The following ZSWIM3 variants were observed in gnomAD, a reference collection of about 807,000 sequenced individuals.
ZSWIM3 encodes the protein zinc finger SWIM-type containing 3.
A neutral mutation model predicts 47.5 loss-of-function variants in ZSWIM3; 27 were observed. The observed-to-expected ratio is 0.57, with a 90% CI of 0.42 to 0.78. The LOEUF (loss-of-function observed/expected upper bound fraction) is 0.78, where lower values mean the gene tolerates loss of function less well. Ranked by LOEUF, ZSWIM3 falls within the 30% of genes least tolerant of loss-of-function variation. The pLI is 0.00. For missense variants in ZSWIM3, 689 were observed against 861.3 expected, an observed-to-expected ratio of 0.80 and a Z score of 2.50; for synonymous variants, 333 against 333.9, an observed-to-expected ratio of 1.00 and a Z score of 0.03.
At position 45,857,658 on chromosome 20, in the gene ZSWIM3, C is replaced by G. The variant is rs1306852131; in HGVS notation, c.-168C>G. The G allele has an allele frequency of 3.7e-6, 3 of 805,886 alleles. No individual in the cohort carries two copies. Among genetic ancestry groups the G allele is most frequent in the Non-Finnish European group, 6.0e-6 (3 of 497,060 alleles). 49.9% of individuals were successfully genotyped at this position (805,886 alleles called of 1,614,324 possible). A position where few individuals can be genotyped will look rare whatever the true frequency, so the allele number is the denominator to read the frequency against. On this transcript the variant is annotated 5_prime_UTR_variant, in exon 1 of 2. Coordinates refer to ENST00000255152, the MANE Select transcript of ZSWIM3 (RefSeq NM_080752.4). ...CCCTTCCTCTTGTAACCCGGTCAGG[C>G]CTAGGGTTCCTCCCTGAGTTCCAGA...
rs763424614 is a variant in ZSWIM3 at position 45,877,565 on chromosome 20, G to T, written c.1007G>T (p.Arg336Leu). The T allele has an allele frequency of 6.2e-7, 1 of 1,614,176 alleles. No individual in the cohort carries two copies. The highest frequency in any genetic ancestry group is 8.5e-7 in the Non-Finnish European group (1 of 1,180,040). The change falls in exon 2 of 2, where the codon CGG becomes CTG. Residue 336 changes from arginine (R) to leucine (L), a missense_variant. Physicochemically the swap from Arg to Leu is moderately radical, Grantham distance 102 (BLOSUM62 -2). Coordinates refer to ENST00000255152, the MANE Select transcript of ZSWIM3 (RefSeq NM_080752.4). ...SFKRLMKEAL[R>L]EAVFVTSEAS... ...AAAAGGCTCATGAAGGAAGCCCTGCGGGAGGCCGTGTTTGTCACTTCTGAA... is the reference window on the plus strand; with the variant it reads ...AAAAGGCTCATGAAGGAAGCCCTGCTGGAGGCCGTGTTTGTCACTTCTGAA...
intron 1 of ZSWIM3, among the ~76,000 whole-genome samples, chr20:45,875,011 AT>A (rs1986055164): frequency 7.7e-6 from 1 of 129,342 alleles, no homozygotes; most frequent in African/African-American, 2.9e-5. Context: ...ACGTGCCCTG[AT>A]TTGGGGGGGG....
chr20:45,863,348 T>C, intron 1 of ZSWIM3, among the ~76,000 whole-genome samples: 1 of 152,210 alleles, frequency 6.6e-6, no homozygotes, highest in East Asian at 1.9e-4. Flanking sequence ...AAAGTGGTAG[T>C]AGAGCTCCAA....
chr20:45,871,864 G>GAA (rs11410450), intron 1 of ZSWIM3, among the ~76,000 whole-genome samples: 10,103 of 131,796 alleles, frequency 0.077, 421 homozygotes, highest in South Asian at 0.13. Flanking sequence ...CTGTCTCAAA[G>GAA]AAAAAAAAAA....
At chr20:45,875,834 T>C (rs1986078609) in intron 1 of ZSWIM3, among the ~76,000 whole-genome samples, 1 of 151,558 alleles carries the variant, frequency 6.6e-6, no homozygotes, top group Non-Finnish European at 1.5e-5. Flanking sequence ...AATCCTTTTC[T>C]TTTTTTTAAA....
chr20:45,875,023 T>G lies in ZSWIM3; in HGVS notation c.156-1691T>G, dbSNP rs113140028. Among the ~76,000 whole-genome samples, 98 of 146,274 alleles carry G rather than the reference T, an allele frequency of 6.7e-4. 1 individual carries two copies. Among genetic ancestry groups the G allele is most frequent in the Middle Eastern group, 3.6e-3 (1 of 280 alleles). ...AACACGTGCCCTGATTTGGGGGGGG[T>G]TTTAATTTTAACTTTTTTTTTTTTT... On this transcript the variant is annotated intron_variant, in intron 1 of 1. Transcript: ENST00000255152.
At chr20:45,869,858 C>A (rs1369543735) in intron 1 of ZSWIM3, among the ~76,000 whole-genome samples, 5 of 151,716 alleles carry the variant, frequency 3.3e-5, no homozygotes, top group African/African-American at 1.2e-4. Context: ...GCCTGGCCAA[C>A]ATGATGAAAC....
intron 1 of ZSWIM3, among the ~76,000 whole-genome samples, chr20:45,868,845 C>T (rs1423930957): frequency 1.3e-5 from 2 of 151,962 alleles, no homozygotes; most frequent in Admixed American, 1.3e-4. Flanking sequence ...TTTTGTCACC[C>T]CGGCTGGAGT....
At chr20:45,859,943 G>GA (rs1365575629) in intron 1 of ZSWIM3, among the ~76,000 whole-genome samples, 1 of 152,098 alleles carries the variant, frequency 6.6e-6, no homozygotes, top group African/African-American at 2.4e-5. Context: ...GTGATTCAGG[G>GA]AAATAGGTGC....
Position 45,866,095 on chromosome 20 carries a change from G to C in ZSWIM3, c.155+8115G>C, listed in dbSNP as rs368525408. ...AAAGTGGGAGGATTGCTTGAGCCCA[G>C]GAGTTCAAGACCAGCCTGGCCAACA... is the stretch of plus-strand genomic sequence containing the variant. On this transcript the variant is annotated intron_variant, in intron 1 of 1. Transcript: ENST00000255152. 9.3e-4 allele frequency among the ~76,000 whole-genome samples: 141 copies of C among 151,974 alleles called. 1 individual carries two copies. Among genetic ancestry groups the C allele is most frequent in the African/African-American group, 3.2e-3 (133 of 41,458 alleles).
chr20:45,871,967 T>C (rs1985987249), intron 1 of ZSWIM3, among the ~76,000 whole-genome samples: 1 of 152,050 alleles, frequency 6.6e-6, no homozygotes, highest in African/African-American at 2.4e-5. Flanking sequence ...AAAGTAGGAA[T>C]TCAGAGAAAG....
At chr20:45,869,017 G>A (rs1035468996) in intron 1 of ZSWIM3, among the ~76,000 whole-genome samples, 1 of 151,398 alleles carries the variant, frequency 6.6e-6, no homozygotes, top group African/African-American at 2.4e-5. Flanking sequence ...GGTCAGGCTG[G>A]TCTTGAACTC....
rs777906961 is a variant in ZSWIM3 at position 45,878,601 on chromosome 20, A to G, written c.2043A>G (p.Gln681=). 1.9e-6 allele frequency: 3 copies of G among 1,612,400 alleles called. No individual in the cohort carries two copies. The highest frequency in any genetic ancestry group is 4.5e-5 in the East Asian group (2 of 44,860). The change falls in exon 2 of 2, where the codon CAA becomes CAG. Residue 681 remains glutamine (Q), a synonymous_variant. Transcript: ENST00000255152. ...GCCTCCCTTTCCTCTGGGGAAAGCA[A>G]GAAGAAGGGGAGGGATTCCCTCCTG... The part of the protein sequence containing the change: ...VGRLPFLWGK[Q]EEGEGFPPAT...
chr20:45,867,790 T>G (rs1985882191), intron 1 of ZSWIM3, among the ~76,000 whole-genome samples: 1 of 152,230 alleles, frequency 6.6e-6, no homozygotes, highest in African/African-American at 2.4e-5. Context: ...AACTATGAAG[T>G]ACTTGGCTGT....
intron 1 of ZSWIM3, among the ~76,000 whole-genome samples, chr20:45,866,064 G>A (rs1413192930): frequency 6.6e-6 from 1 of 151,958 alleles, no homozygotes; most frequent in Admixed American, 6.6e-5. Flanking sequence ...CAGCACTTGG[G>A]AGGCCAAAGT....
At chr20:45,876,536 T>A (rs6032570) in intron 1 of ZSWIM3, among the ~76,000 whole-genome samples, 178 bp from the exon 2 acceptor site, 4 of 151,610 alleles carry the variant, frequency 2.6e-5, no homozygotes, top group Admixed American at 1.3e-4. Context: ...CCAGGGTCTC[T>A]CCATGTTGCC....
intron 1 of ZSWIM3, chr20:45,872,807 C>G: frequency 7.8e-7 from 1 of 1,289,004 alleles, no homozygotes; most frequent in Non-Finnish European, 1.0e-6. Flanking sequence ...GCACCACCCC[C>G]GCACTGTGCA....
Position 45,876,203 on chromosome 20 carries a change from C to T in ZSWIM3, c.156-511C>T, listed in dbSNP as rs190180469. ...GACTACAGGCATGCACTACCATGCC[C>T]GGCTAATTTTGTATTTTTAGTAGAG... is the stretch of plus-strand genomic sequence containing the variant. On this transcript the variant is annotated intron_variant, in intron 1 of 1. Coordinates refer to ENST00000255152, the MANE Select transcript of ZSWIM3 (RefSeq NM_080752.4). Among the ~76,000 whole-genome samples, 14 of 151,914 alleles carry T rather than the reference C, an allele frequency of 9.2e-5. No homozygotes were observed. In the East Asian group the frequency reaches 1.9e-3, roughly 21 times the overall value.
intron 1 of ZSWIM3, among the ~76,000 whole-genome samples, chr20:45,875,093 C>T (rs1287845922): frequency 4.0e-5 from 5 of 126,488 alleles, no homozygotes; most frequent in Non-Finnish European, 7.8e-5. Context: ...GGCTGGAGTG[C>T]GGTGGCGCCA....
Sources: allele counts gnomAD v4.1 joint callset (sites outside exome capture counted in the v4.1 genomes callset), GRCh38; gene constraint gnomAD v4.1.1; transcripts MANE v1.5; gene names NCBI Gene and HGNC (gene_info 2026-07-23, HGNC 2026-07-21).